Variants in KAT7 observed in about 807,000 individuals in gnomAD.
KAT7 encodes histone acetyltransferase KAT7.
KAT7 carries 10 observed loss-of-function variants against 82.1 expected under a neutral mutation model. That is an observed-to-expected ratio of 0.12 (90% CI 0.08 to 0.21). The LOEUF (loss-of-function observed/expected upper bound fraction) is 0.21, where lower values mean the gene tolerates loss of function less well. Among genes scored for constraint, KAT7 ranks in the 10% least tolerant of loss-of-function variants. KAT7 has a pLI of 1.00. For missense variants in KAT7, 378 were observed against 760.9 expected (o/e 0.50, Z 5.92); for synonymous variants, 250 against 262.5 (o/e 0.95, Z 0.46).
rs1382381649 is a variant in KAT7 at position 49,817,900 on chromosome 17, T to C, written c.1044T>C (p.Asp348=). The C allele has an allele frequency of 6.2e-7, 1 of 1,613,624 alleles. No homozygotes were observed. The highest frequency in any genetic ancestry group is 8.5e-7 in the Non-Finnish European group (1 of 1,179,674). The change falls in exon 9 of 15, where the codon GAT becomes GAC. Residue 348 remains aspartate (D), a synonymous_variant. Coordinates refer to ENST00000259021, the MANE Select transcript of KAT7 (RefSeq NM_007067.5). Reference sequence around the variant, plus strand: ...TTGCTTTTGGCCGCTATGAGCTTGATACCTGGTATCATTCTCCATATCCTG... The same window carrying C: ...TTGCTTTTGGCCGCTATGAGCTTGACACCTGGTATCATTCTCCATATCCTG... ...KTIAFGRYEL[D]TWYHSPYPEE...
rs188249109 is a variant in KAT7 at position 49,812,640 on chromosome 17, A to G, written c.852+1066A>G. ...TCCAATAAAAAAAAATTGTCCTTCA[A>G]GATACAAACCACTGCTTAACATTTT... On this transcript the variant is annotated intron_variant, in intron 7 of 14. Coordinates refer to ENST00000259021, the MANE Select transcript of KAT7 (RefSeq NM_007067.5). Among the ~76,000 whole-genome samples, 444 of 152,320 alleles carry G rather than the reference A, an allele frequency of 2.9e-3. 1 individual carries two copies. The highest frequency in any genetic ancestry group is 4.9e-3 in the Non-Finnish European group (335 of 68,014).
At position 49,833,460 on chromosome 17, in the gene KAT7, A is replaced by G. The variant is rs1425428167; in HGVS notation, c.*5958A>G. On this transcript the variant is annotated 3_prime_UTR_variant, in exon 15 of 15. Transcript: ENST00000259021. ...TGCTCTCATCCTCTGTGCACGTGCT[A>G]TTTCCAATAAGGTCTATTTTTTTCT... The G allele has an allele frequency of 2.0e-5, 3 of 152,176 alleles. No individual in the cohort carries two copies. The highest frequency in any genetic ancestry group is 4.4e-5 in the Non-Finnish European group (3 of 68,030). 9.4% of individuals were successfully genotyped at this position (152,176 alleles called of 1,614,324 possible). A position where few individuals can be genotyped will look rare whatever the true frequency, so the allele number is the denominator to read the frequency against.
Position 49,798,590 on chromosome 17 carries a change from G to A in KAT7, c.580+32G>A, listed in dbSNP as rs748215506. 2.6e-6 allele frequency: 4 copies of A among 1,561,904 alleles called. No homozygotes were observed. The African/African-American group carries it at 4.1e-5, about 16-fold the overall frequency. ...GTGCCCTAGCTTCATGACATCCTTT[G>A]TTCTGTGGTTCTCTCTCCCAGGATC... On this transcript the variant is annotated intron_variant, in intron 4 of 14. Transcript: ENST00000259021.
chr17:49,818,598 T>C (rs998615168), intron 9 of KAT7, among the ~76,000 whole-genome samples: 5 of 152,174 alleles, frequency 3.3e-5, no homozygotes, highest in African/African-American at 1.2e-4. Context: ...ACTAGATTTT[T>C]TGCAGCTTCA....
intron 4 of KAT7, among the ~76,000 whole-genome samples, chr17:49,804,373 C>T (rs1385458696): frequency 6.7e-5 from 10 of 148,584 alleles, no homozygotes; most frequent in Non-Finnish European, 1.0e-4. Flanking sequence ...AGCGAGACTC[C>T]GTCTCAAAAA....
In KAT7 at chr17:49,832,519, G is replaced by A. The variant is rs2074432637; in HGVS notation, c.*5017G>A. 1 of 152,180 alleles carries A rather than the reference G, an allele frequency of 6.6e-6. No homozygotes were observed. Among genetic ancestry groups the A allele is most frequent in the Non-Finnish European group, 1.5e-5 (1 of 68,032 alleles). The allele number at this position is 152,180 out of a possible 1,614,324, so 9.4% of individuals were successfully genotyped here. ...TATGCACACATTTGTCTATAGTTGA[G>A]GAAATTGTGCCGTTGAAGTCCATTC... On this transcript the variant is annotated 3_prime_UTR_variant, in exon 15 of 15. Coordinates refer to ENST00000259021, the MANE Select transcript of KAT7 (RefSeq NM_007067.5).
chr17:49,817,678 G>T, intron 8 of KAT7, 142 bp from the exon 9 acceptor site: 1 of 613,628 alleles, frequency 1.6e-6, no homozygotes, highest in Non-Finnish European at 2.9e-6. Context: ...TTTCGGCCAG[G>T]CTGGTCTCGA....
chr17:49,806,782 A>G (rs2074096857), intron 5 of KAT7, among the ~76,000 whole-genome samples: 1 of 152,238 alleles, frequency 6.6e-6, no homozygotes, highest in African/African-American at 2.4e-5. Context: ...TGGTGAAGAA[A>G]ATTCTGACCA....
chr17:49,827,295 T>A, intron 14 of KAT7, 106 bp from the exon 15 acceptor site: 4 of 710,178 alleles, frequency 5.6e-6, no homozygotes, highest in Non-Finnish European at 1.0e-5. Context: ...CCTAATATGT[T>A]GTTAAACCTT....
intron 14 of KAT7, 63 bp from the exon 15 acceptor site, chr17:49,827,338 G>T (rs1239692571): frequency 1.2e-5 from 11 of 953,574 alleles, no homozygotes; most frequent in Non-Finnish European, 1.7e-5. Flanking sequence ...AGTTATTTTG[G>T]AATCTATGTA....
At chr17:49,805,561 A>T in intron 5 of KAT7, 116 bp downstream of exon 5, 2 of 605,358 alleles carry the variant, frequency 3.3e-6, no homozygotes, top group Non-Finnish European at 5.8e-6. Context: ...CCTTGTTCTT[A>T]CATTGTAGTG....
At chr17:49,807,471 A>T (rs2074105724) in intron 5 of KAT7, among the ~76,000 whole-genome samples, 1 of 152,216 alleles carries the variant, frequency 6.6e-6, no homozygotes, top group South Asian at 2.1e-4. Flanking sequence ...TGAGAGGCTG[A>T]ATGAAAGTAG....
In KAT7 at chr17:49,796,787, T is replaced by G; in HGVS notation, c.201T>G (p.Thr67=). 1 of 1,613,288 alleles carries G rather than the reference T, an allele frequency of 6.2e-7. No homozygotes were observed. The highest frequency in any genetic ancestry group is 1.3e-5 in the African/African-American group (1 of 75,026). The part of the protein sequence containing the change: ...SPVRNLQSFG[T]EEPAYSTRRV... ...TTCGAAATCTGCAGTCTTTTGGCAC[T>G]GAGGAGCCTGCTTACTCTACCAGAA... Residue 67 remains threonine, a synonymous_variant, in exon 3 of 15, where the codon ACT becomes ACG. Transcript: ENST00000259021.
At chr17:49,818,052 A>G (rs777635378) in intron 9 of KAT7, 41 bp downstream of exon 9, 3 of 1,528,000 alleles carry the variant, frequency 2.0e-6, no homozygotes, top group South Asian at 2.3e-5. Context: ...CATGATGGCA[A>G]TAAGCTGTAG....
chr17:49,793,043 A>G (rs1356611031), intron 2 of KAT7, among the ~76,000 whole-genome samples: 1 of 151,996 alleles, frequency 6.6e-6, no homozygotes, highest in Non-Finnish European at 1.5e-5. Flanking sequence ...AAACTCCTGG[A>G]CTCAAGCAGT....
At chr17:49,800,091 A>G (rs1209719423) in intron 4 of KAT7, among the ~76,000 whole-genome samples, 1 of 139,454 alleles carries the variant, frequency 7.2e-6, no homozygotes, top group African/African-American at 2.7e-5. Flanking sequence ...GGCTCACTGC[A>G]AGCTCCGCCT....
chr17:49,831,959 A>AT lies in KAT7; in HGVS notation c.*4471dup, dbSNP rs754906646. ...CAGGCGTGAGCCATTGCACCCAGCC[A>AT]TTTTTTTTTTTTTTAAGACGACGTC... is the stretch of plus-strand genomic sequence containing the variant. On this transcript the variant is annotated 3_prime_UTR_variant, in exon 15 of 15. Transcript: ENST00000259021. 9.3e-3 allele frequency: 1,230 copies of AT among 132,824 alleles called. 6 individuals carry two copies. Among genetic ancestry groups the AT allele is most frequent in the East Asian group, 0.021 (93 of 4,500 alleles). 8.2% of individuals were successfully genotyped at this position (132,824 alleles called of 1,614,324 possible).
At chr17:49,813,773 C>T (rs549853569) in intron 7 of KAT7, among the ~76,000 whole-genome samples, 1 of 151,944 alleles carries the variant, frequency 6.6e-6, no homozygotes, top group East Asian at 1.9e-4. Context: ...CATTTACATA[C>T]GAGACTTGAG....
In KAT7 at chr17:49,830,201, TTTTTTTTA is replaced by T. The variant is rs2074413166; in HGVS notation, c.*2700_*2707del. On this transcript the variant is annotated 3_prime_UTR_variant, in exon 15 of 15. Transcript: ENST00000259021. ...CCTATTTTTTTTTTTTTTTTTTTTT[TTTTTTTTA>T]AAAAAAGACAGTCTCACTCTATCAT... 1 of 138,912 alleles carries T rather than the reference TTTTTTTTA, an allele frequency of 7.2e-6. No homozygotes were observed. Among genetic ancestry groups the T allele is most frequent in the Non-Finnish European group, 1.5e-5 (1 of 66,040 alleles). 8.6% of individuals were successfully genotyped at this position (138,912 alleles called of 1,614,324 possible).
Sources: allele counts gnomAD v4.1 joint callset (sites outside exome capture counted in the v4.1 genomes callset), GRCh38; gene constraint gnomAD v4.1.1; transcripts MANE v1.5; gene names NCBI Gene and HGNC (gene_info 2026-07-23, HGNC 2026-07-21).